Variants in USP50 observed in about 807,000 individuals in gnomAD.
The protein encoded by USP50 is ubiquitin specific peptidase 50.
Under a neutral mutation model 39.2 loss-of-function variants are expected in USP50, and 37 were observed. That is an observed-to-expected ratio of 0.94 (90% CI 0.73 to 1.24). The LOEUF (loss-of-function observed/expected upper bound fraction) is 1.24. Ranked by LOEUF, USP50 falls within the 50% of genes most tolerant of loss-of-function variation. USP50 has a pLI of 0.00. For missense variants in USP50, 374 were observed against 398.2 expected, an observed-to-expected ratio of 0.94 and a Z score of 0.52; for synonymous variants, 139 against 144.5, an observed-to-expected ratio of 0.96 and a Z score of 0.27.
intron 5 of USP50, chr15:50,532,099 C>T (rs1355311156): frequency 4.4e-6 from 2 of 456,078 alleles, no homozygotes; most frequent in Non-Finnish European, 8.8e-6. Context: ...GCTAGAGGCT[C>T]AGTGCAGAGT....
At chr15:50,522,786 C>T (rs540687841) in intron 6 of USP50, among the ~76,000 whole-genome samples, 38 of 152,292 alleles carry the variant, frequency 2.5e-4, no homozygotes, top group African/African-American at 8.7e-4. Context: ...GCTGGGACTA[C>T]AGGTGTGTGC....
At chr15:50,516,624 A>G (rs1256392598) in intron 6 of USP50, among the ~76,000 whole-genome samples, 1 of 152,102 alleles carries the variant, frequency 6.6e-6, no homozygotes, top group Non-Finnish European at 1.5e-5. Flanking sequence ...ATCAAAAACA[A>G]ATGAAAAACA....
intron 5 of USP50, among the ~76,000 whole-genome samples, chr15:50,537,245 A>AAAG (rs138918804): frequency 6.7e-6 from 1 of 150,352 alleles, no homozygotes; most frequent in Non-Finnish European, 1.5e-5. Flanking sequence ...GCGAAAAAAA[A>AAAG]AAGAAGAAGA....
At chr15:50,509,693 CG>C (rs1156385872) in intron 6 of USP50, 1 of 151,816 alleles carries the variant, frequency 6.6e-6, no homozygotes, top group Non-Finnish European at 1.5e-5. Context: ...GACAAGTCAA[CG>C]ATAAAATTAA....
chr15:50,545,650 CACACATATGTG>C (rs2053065432), intron 1 of USP50, among the ~76,000 whole-genome samples: 1 of 145,274 alleles, frequency 6.9e-6, no homozygotes, highest in Non-Finnish European at 1.5e-5. Context: ...ATCTTAAGAG[CACACATATGTG>C]TATATGTGTA....
chr15:50,537,790 G>C (rs1474882565), intron 5 of USP50, among the ~76,000 whole-genome samples: 6 of 147,832 alleles, frequency 4.1e-5, no homozygotes, highest in African/African-American at 1.2e-4. Flanking sequence ...AACTAGGGAA[G>C]TGGAGGCTGC....
At chr15:50,508,810 C>G (rs1030837436) in intron 6 of USP50, 1 of 150,232 alleles carries the variant, frequency 6.7e-6, no homozygotes, top group Non-Finnish European at 1.5e-5. Flanking sequence ...CCAGCTTGGG[C>G]AACATGGCAA....
chr15:50,506,816 G>A (rs901847502), intron 6 of USP50: 3 of 151,928 alleles, frequency 2.0e-5, no homozygotes, highest in African/African-American at 7.3e-5. Context: ...AAATTAGCCG[G>A]GCATGGTGGC....
At chr15:50,508,381 C>T (rs1405997135) in intron 6 of USP50, 1 of 152,096 alleles carries the variant, frequency 6.6e-6, no homozygotes, top group Non-Finnish European at 1.5e-5. Flanking sequence ...ATTCAAATAT[C>T]TTGCTTCAGC....
Position 50,529,801 on chromosome 15 carries a change from ACTGC to A in USP50, c.928_931del (p.Ala310TrpfsTer2). 6.2e-7 allele frequency: 1 copy of A among 1,613,392 alleles called. No individual in the cohort carries two copies. Among genetic ancestry groups the A allele is most frequent in the Non-Finnish European group, 8.5e-7 (1 of 1,179,744 alleles). ...TAACAGTTTGTTTTTACTCACCACC[ACTGC>A]ACAGAGGTTGTATTTAGGATATTTC... On this transcript the variant is annotated frameshift_variant, in exon 6 of 7. Coordinates refer to ENST00000532404, the MANE Select transcript of USP50 (RefSeq NM_203494.5). LOFTEE classifies it high-confidence loss of function.
intron 4 of USP50, 70 bp from the exon 5 acceptor site, chr15:50,538,921 G>A (rs2053005957): frequency 6.7e-7 from 1 of 1,485,680 alleles, no homozygotes; most frequent in Non-Finnish European, 9.0e-7. Context: ...GTTTCTATTG[G>A]AACTTTGCAA....
At chr15:50,523,972 T>C (rs945408641) in intron 6 of USP50, among the ~76,000 whole-genome samples, 5 of 152,124 alleles carry the variant, frequency 3.3e-5, no homozygotes, top group African/African-American at 9.7e-5. Context: ...TGCTCAGAAA[T>C]AAACCCATGC....
chr15:50,527,549 C>T (rs1427808971), intron 6 of USP50, among the ~76,000 whole-genome samples: 1 of 151,948 alleles, frequency 6.6e-6, no homozygotes, highest in Non-Finnish European at 1.5e-5. Flanking sequence ...TGCTACGGTT[C>T]TCCTGAGGAC....
chr15:50,536,055 C>T (rs116327064), intron 5 of USP50, among the ~76,000 whole-genome samples: 82 of 152,232 alleles, frequency 5.4e-4, no homozygotes, highest in African/African-American at 1.9e-3. Flanking sequence ...GAAGCTTTCC[C>T]ACTACAGTCA....
intron 6 of USP50, among the ~76,000 whole-genome samples, chr15:50,529,060 T>C (rs1032171471): frequency 2.0e-5 from 3 of 152,156 alleles, no homozygotes; most frequent in African/African-American, 7.2e-5. Context: ...ATGCTTTCTT[T>C]CCTTCAGGAA....
At chr15:50,525,692 T>C (rs1292048399) in intron 6 of USP50, among the ~76,000 whole-genome samples, 1 of 93,968 alleles carries the variant, frequency 1.1e-5, no homozygotes, top group East Asian at 3.1e-4. Flanking sequence ...ATTATATATG[T>C]ATATGTATAT....
At chr15:50,494,557 TAAAC>T (rs1439461130) in intron 1 of USP50, among the ~76,000 whole-genome samples, 3 of 152,382 alleles carry the variant, frequency 2.0e-5, no homozygotes, top group Non-Finnish European at 2.9e-5. Context: ...AGTAAAATCA[TAAAC>T]AAATGATCTT....
chr15:50,532,046 G>C (rs2052944181), intron 5 of USP50: 3 of 448,910 alleles, frequency 6.7e-6, no homozygotes, highest in Admixed American at 2.4e-5. Flanking sequence ...ACCTCTGAGG[G>C]AACAGGTCTG....
At chr15:50,513,502 CAA>C (rs2052765384) in intron 6 of USP50, 2 of 101,004 alleles carry the variant, frequency 2.0e-5, no homozygotes, top group African/African-American at 7.9e-5. Context: ...GAGTTCGAGA[CAA>C]GAGCGAAACT....
Sources: gnomAD v4.1 joint callset for allele counts (sites outside exome capture counted in the v4.1 genomes callset) on GRCh38, gnomAD v4.1.1 for gene constraint, MANE v1.5 for transcripts, NCBI Gene and HGNC (gene_info 2026-07-23, HGNC 2026-07-21) for gene names.